The following TFAP2D variants were observed in gnomAD, a reference collection of about 807,000 sequenced individuals.
TFAP2D encodes the protein transcription factor AP-2 delta.
In TFAP2D, 9 loss-of-function variants were observed where a neutral mutation model predicts 43.6. The ratio of observed to expected loss-of-function variants is 0.21; its 90% confidence interval spans 0.12 to 0.36. The LOEUF is 0.36. Ranked by LOEUF, TFAP2D falls within the 10% of genes least tolerant of loss-of-function variation. TFAP2D has a pLI of 1.00. For synonymous variants in TFAP2D, 256 were observed against 224.9 expected, an observed-to-expected ratio of 1.14 and a Z score of -1.24; for missense variants, 513 against 561.4, an observed-to-expected ratio of 0.91 and a Z score of 0.87.
intron 7 of TFAP2D, among the ~76,000 whole-genome samples, chr6:50,759,859 G>A (rs1769338327): frequency 6.6e-6 from 1 of 151,970 alleles, no homozygotes; most frequent in Non-Finnish European, 1.5e-5. Flanking sequence ...TGGCTGAGGA[G>A]AACAGAAGGA....
chr6:50,768,095 G>T (rs1292557226), intron 7 of TFAP2D, among the ~76,000 whole-genome samples: 1 of 151,946 alleles, frequency 6.6e-6, no homozygotes, highest in African/African-American at 2.4e-5. Flanking sequence ...AAATGCCAAG[G>T]GTAACTTAAA....
chr6:50,738,379 CT>C (rs898881007), intron 5 of TFAP2D, among the ~76,000 whole-genome samples: 4 of 151,978 alleles, frequency 2.6e-5, no homozygotes, highest in South Asian at 2.1e-4. Context: ...GCATGCAGAA[CT>C]TTTTTACATT....
chr6:50,732,720 A>G (rs1204338277), intron 5 of TFAP2D, among the ~76,000 whole-genome samples: 3 of 152,188 alleles, frequency 2.0e-5, no homozygotes, highest in Admixed American at 2.0e-4. Flanking sequence ...CCAATCAATG[A>G]ACATAAGTGC....
At chr6:50,757,394 A>G (rs1296351205) in intron 7 of TFAP2D, among the ~76,000 whole-genome samples, 1 of 133,428 alleles carries the variant, frequency 7.5e-6, no homozygotes, top group Admixed American at 8.4e-5. Flanking sequence ...TATTCTATAT[A>G]TAGAATATAT....
intron 3 of TFAP2D, among the ~76,000 whole-genome samples, chr6:50,720,115 G>T (rs994813576): frequency 6.6e-6 from 1 of 152,158 alleles, no homozygotes; most frequent in Non-Finnish European, 1.5e-5. Flanking sequence ...ATAAGATGTG[G>T]TCTATTCACC....
At chr6:50,741,106 G>A (rs937130749) in intron 5 of TFAP2D, among the ~76,000 whole-genome samples, 1 of 151,332 alleles carries the variant, frequency 6.6e-6, no homozygotes, top group African/African-American at 2.4e-5. Context: ...TTTAATATAA[G>A]TATTTAATAT....
intron 5 of TFAP2D, among the ~76,000 whole-genome samples, chr6:50,743,133 G>GA (rs1454076963): frequency 2.0e-5 from 3 of 151,874 alleles, no homozygotes; most frequent in Non-Finnish European, 4.4e-5. Flanking sequence ...TAAAATAGAA[G>GA]AAAAAACAAT....
chr6:50,771,678 A>C (rs1380598349), intron 7 of TFAP2D, among the ~76,000 whole-genome samples: 1 of 152,228 alleles, frequency 6.6e-6, no homozygotes, highest in African/African-American at 2.4e-5. Flanking sequence ...AGTGCGTATC[A>C]ATCAAAACCA....
chr6:50,768,965 C>T (rs117505715), intron 7 of TFAP2D, among the ~76,000 whole-genome samples: 11 of 148,124 alleles, frequency 7.4e-5, no homozygotes, highest in South Asian at 2.2e-4. Context: ...TGCAATAGCA[C>T]GATCTTGCCT....
intron 7 of TFAP2D, among the ~76,000 whole-genome samples, chr6:50,758,781 T>G (rs2113890853): frequency 6.6e-6 from 1 of 152,126 alleles, no homozygotes; most frequent in Non-Finnish European, 1.5e-5. Flanking sequence ...CCAAGCATTC[T>G]TTAGTGTGAG....
chr6:50,717,127 C>T (rs1581756613), intron 2 of TFAP2D, among the ~76,000 whole-genome samples: 1 of 152,296 alleles, frequency 6.6e-6, no homozygotes, highest in East Asian at 1.9e-4. Flanking sequence ...CTTTTAATAG[C>T]CGCGTCTGCT....
At chr6:50,756,814 T>A (rs1769271400) in intron 7 of TFAP2D, among the ~76,000 whole-genome samples, 1 of 151,958 alleles carries the variant, frequency 6.6e-6, no homozygotes, top group African/African-American at 2.4e-5. Context: ...CTGGGAATAG[T>A]GGTGGCATTA....
chr6:50,739,207 G>A (rs1010980355), intron 5 of TFAP2D, among the ~76,000 whole-genome samples: 2 of 151,986 alleles, frequency 1.3e-5, no homozygotes, highest in Admixed American at 6.6e-5. Context: ...ATCTCCTAAT[G>A]CTATCCCTCT....
intron 7 of TFAP2D, among the ~76,000 whole-genome samples, chr6:50,761,234 A>AG (rs977277656): frequency 1.1e-4 from 16 of 151,742 alleles, no homozygotes; most frequent in African/African-American, 3.6e-4. Context: ...ACACCAAAAA[A>AG]AAAAAGGTGA....
chr6:50,755,445 A>C (rs1170286447), intron 7 of TFAP2D, among the ~76,000 whole-genome samples: 2 of 151,270 alleles, frequency 1.3e-5, no homozygotes, highest in East Asian at 3.9e-4. Context: ...AAAAAAAAAA[A>C]CTCAAGGATT....
chr6:50,738,496 C>T (rs1425989366), intron 5 of TFAP2D, among the ~76,000 whole-genome samples: 21 of 152,082 alleles, frequency 1.4e-4, no homozygotes. Context: ...ATGTTATCTT[C>T]TAATTACTAT....
chr6:50,758,609 G>A (rs566189334), intron 7 of TFAP2D, among the ~76,000 whole-genome samples: 33 of 152,058 alleles, frequency 2.2e-4, no homozygotes, highest in African/African-American at 7.0e-4. Flanking sequence ...TTGGCAACAC[G>A]CTGAAGAGCA....
chr6:50,732,372 T>C (rs1351353506), intron 5 of TFAP2D, among the ~76,000 whole-genome samples: 2 of 152,054 alleles, frequency 1.3e-5, no homozygotes, highest in African/African-American at 2.4e-5. Context: ...GAAATTGTTA[T>C]AGAGTAGTCT....
At position 50,713,929 on chromosome 6, in the gene TFAP2D, G is replaced by C; in HGVS notation, c.-127G>C. The C allele has an allele frequency of 7.2e-7, 1 of 1,393,370 alleles. No homozygotes were observed. Among genetic ancestry groups the C allele is most frequent in the Non-Finnish European group, 1.0e-6 (1 of 992,024 alleles). 86.3% of individuals were successfully genotyped at this position (1,393,370 alleles called of 1,614,324 possible). On this transcript the variant is annotated 5_prime_UTR_variant, in exon 1 of 8. An upstream open reading frame in the 5' UTR loses its in-frame stop. Coordinates refer to ENST00000008391, the MANE Select transcript of TFAP2D (RefSeq NM_172238.4). Reference sequence around the variant, plus strand: ...ATCCGGGCAAAACCATTACAATTTAGATATCTACCTATAGAACATTTTTTT... The same window carrying C: ...ATCCGGGCAAAACCATTACAATTTACATATCTACCTATAGAACATTTTTTT...
Sources: gnomAD v4.1 joint callset for allele counts (sites outside exome capture counted in the v4.1 genomes callset) on GRCh38, gnomAD v4.1.1 for gene constraint, MANE v1.5 for transcripts, NCBI Gene and HGNC (gene_info 2026-07-23, HGNC 2026-07-21) for gene names.